The following CFAP299 variants were observed in gnomAD, a reference collection of about 807,000 sequenced individuals.
The protein encoded by CFAP299 is cilia and flagella associated protein 299, also known as cilia- and flagella-associated protein 299.
A neutral mutation model predicts 27.0 loss-of-function variants in CFAP299; 21 were observed. The ratio of observed to expected loss-of-function variants is 0.78; its 90% CI spans 0.55 to 1.12. CFAP299 has a LOEUF of 1.12. CFAP299 is among the 50% of genes most tolerant of loss of function. CFAP299 has a pLI of 0.00. For synonymous variants in CFAP299, 104 were observed against 98.1 expected, an observed-to-expected ratio of 1.06 and a Z score of -0.36; for missense variants, 310 against 276.6, an observed-to-expected ratio of 1.12 and a Z score of -0.86.
intron 3 of CFAP299, among the ~76,000 whole-genome samples, chr4:80,664,373 G>A (rs1741030243): frequency 6.6e-6 from 1 of 152,030 alleles, no homozygotes; most frequent in Non-Finnish European, 1.5e-5. Flanking sequence ...CTCTCTCAGG[G>A]AGAGAGGATC....
At chr4:80,665,773 G>A (rs1741115665) in intron 3 of CFAP299, among the ~76,000 whole-genome samples, 1 of 152,084 alleles carries the variant, frequency 6.6e-6, no homozygotes, top group South Asian at 2.1e-4. Flanking sequence ...TTAGATTGTG[G>A]GAGTAGATTT....
At chr4:80,545,370 T>C (rs910415961) in intron 2 of CFAP299, among the ~76,000 whole-genome samples, 2 of 151,900 alleles carry the variant, frequency 1.3e-5, no homozygotes, top group Non-Finnish European at 2.9e-5. Flanking sequence ...CTGAATGAAA[T>C]TGAGATGGGA....
At chr4:80,708,825 T>G (rs1490356302) in intron 3 of CFAP299, among the ~76,000 whole-genome samples, 2 of 152,128 alleles carry the variant, frequency 1.3e-5, no homozygotes. Context: ...ATGCAAACTT[T>G]TAGTTACCAA....
intron 1 of CFAP299, among the ~76,000 whole-genome samples, chr4:80,360,956 G>A (rs1723514316): frequency 6.6e-6 from 1 of 152,148 alleles, no homozygotes; most frequent in Admixed American, 6.5e-5. Context: ...TCCATTTTAA[G>A]CCAAATCCCC....
intron 4 of CFAP299, 160 bp downstream of exon 4, chr4:80,870,295 T>C (rs1166910999): frequency 1.6e-6 from 2 of 1,256,168 alleles, no homozygotes; most frequent in Non-Finnish European, 2.0e-6. Context: ...GGAATAAGCA[T>C]AGATGCATTG....
At chr4:80,900,034 T>G (rs1260214095) in intron 4 of CFAP299, among the ~76,000 whole-genome samples, 1 of 151,764 alleles carries the variant, frequency 6.6e-6, no homozygotes, top group Non-Finnish European at 1.5e-5. Context: ...TTGTAGTAGG[T>G]TGAAAGGTGA....
intron 3 of CFAP299, among the ~76,000 whole-genome samples, chr4:80,706,489 T>A (rs947426162): frequency 6.6e-6 from 1 of 151,838 alleles, no homozygotes; most frequent in African/African-American, 2.4e-5. Context: ...CTCCTAATAC[T>A]TTCCCAACAT....
At chr4:80,886,720 C>A (rs1359083294) in intron 4 of CFAP299, among the ~76,000 whole-genome samples, 2 of 152,036 alleles carry the variant, frequency 1.3e-5, no homozygotes, top group Non-Finnish European at 2.9e-5. Context: ...CGTAACTTCA[C>A]CAGTATAAAT....
chr4:80,417,102 C>T (rs918055612), intron 2 of CFAP299, among the ~76,000 whole-genome samples: 1 of 152,192 alleles, frequency 6.6e-6, no homozygotes, highest in Non-Finnish European at 1.5e-5. Flanking sequence ...AAGGGGTGGG[C>T]AATTCCCAGA....
chr4:80,444,053 T>G (rs941745520), intron 2 of CFAP299, among the ~76,000 whole-genome samples: 2 of 152,172 alleles, frequency 1.3e-5, no homozygotes, highest in African/African-American at 2.4e-5. Flanking sequence ...TGGGAAAACA[T>G]TCCATGCTCA....
chr4:80,700,935 C>T (rs1168944738), intron 3 of CFAP299, among the ~76,000 whole-genome samples: 1 of 151,968 alleles, frequency 6.6e-6, no homozygotes, highest in African/African-American at 2.4e-5. Flanking sequence ...TTTGTGCCAG[C>T]CACTGTTCTA....
intron 2 of CFAP299, among the ~76,000 whole-genome samples, chr4:80,486,960 G>GGGA: frequency 1.3e-5 from 2 of 152,314 alleles, no homozygotes; most frequent in East Asian, 3.9e-4. Context: ...GGCTCAAAGT[G>GGGA]GGAGAAGACT....
At chr4:80,678,736 A>AT (rs532506877) in intron 3 of CFAP299, among the ~76,000 whole-genome samples, 125 of 151,964 alleles carry the variant, frequency 8.2e-4, no homozygotes, top group Middle Eastern at 3.4e-3. Context: ...TTCATTCTTA[A>AT]TTTTTTTTCT....
At chr4:80,447,464 G>A (rs1432282143) in intron 2 of CFAP299, among the ~76,000 whole-genome samples, 1 of 150,512 alleles carries the variant, frequency 6.6e-6, no homozygotes, top group Admixed American at 6.6e-5. Context: ...ACAGAGTCTT[G>A]CTCTGTCACC....
chr4:80,941,240 C>T (rs1390021629), intron 4 of CFAP299, among the ~76,000 whole-genome samples: 1 of 152,004 alleles, frequency 6.6e-6, no homozygotes, highest in Non-Finnish European at 1.5e-5. Flanking sequence ...TATTTTTAAT[C>T]CCGGGTTTTT....
chr4:80,366,452 G>C (rs985433736), intron 2 of CFAP299, among the ~76,000 whole-genome samples: 17 of 152,212 alleles, frequency 1.1e-4, no homozygotes, highest in Middle Eastern at 3.4e-3. Flanking sequence ...CAAGAAGAAG[G>C]CAAAAATGCT....
At chr4:80,799,875 AT>A (rs1728274146) in intron 3 of CFAP299, among the ~76,000 whole-genome samples, 1 of 34,114 alleles carries the variant, frequency 2.9e-5, no homozygotes, top group African/African-American at 1.4e-4. Context: ...TATATATATT[AT>A]ATTATATAAT....
chr4:80,331,256 G>A (rs1721930902), upstream of CFAP299, among the ~76,000 whole-genome samples: 2 of 152,124 alleles, frequency 1.3e-5, no homozygotes, highest in Non-Finnish European at 2.9e-5. Context: ...TGCAGTAGAG[G>A]GTATCAGATG....
At chr4:80,547,167 T>C (rs940073981) in intron 2 of CFAP299, among the ~76,000 whole-genome samples, 11 of 151,994 alleles carry the variant, frequency 7.2e-5, no homozygotes, top group African/African-American at 2.4e-4. Flanking sequence ...ATGGTACTCA[T>C]ATAAAAACAG....
Sources: allele counts gnomAD v4.1 joint callset (sites outside exome capture counted in the v4.1 genomes callset), GRCh38; gene constraint gnomAD v4.1.1; transcripts MANE v1.5; gene names NCBI Gene and HGNC (gene_info 2026-07-23, HGNC 2026-07-21).